Variants in CDH1 observed in about 807,000 individuals in gnomAD.
The protein encoded by CDH1 is cadherin-1.
In CDH1, 35 loss-of-function variants were observed where a neutral mutation model predicts 84.5. The ratio of observed to expected loss-of-function variants is 0.41; its 90% CI spans 0.32 to 0.55. The LOEUF (loss-of-function observed/expected upper bound fraction) is 0.55, where lower values mean the gene tolerates loss of function less well. Among genes scored for constraint, CDH1 ranks in the 20% least tolerant of loss-of-function variants. The pLI is 0.19. For synonymous variants in CDH1, 417 were observed against 439.0 expected, an observed-to-expected ratio of 0.95 and a Z score of 0.63; for missense variants, 994 against 1,126.6, an observed-to-expected ratio of 0.88 and a Z score of 1.68.
intron 2 of CDH1, among the ~76,000 whole-genome samples, chr16:68,781,646 T>A (rs12448999): frequency 0.48 from 72,394 of 151,930 alleles, 18,556 homozygotes; most frequent in Non-Finnish European, 0.58. Flanking sequence ...GCCAATTTTT[T>A]AATTTTCTTT....
At chr16:68,769,844 A>AT (rs138940611) in intron 2 of CDH1, among the ~76,000 whole-genome samples, 1 of 151,534 alleles carries the variant, frequency 6.6e-6, no homozygotes, top group Non-Finnish European at 1.5e-5. Flanking sequence ...CGCCTGGCTA[A>AT]TTTTTTTGTA....
intron 2 of CDH1, among the ~76,000 whole-genome samples, chr16:68,760,562 A>G (rs1472730857): frequency 1.3e-5 from 2 of 152,004 alleles, no homozygotes; most frequent in East Asian, 1.9e-4. Context: ...TTTCTCCCCC[A>G]TTCTTTCTCT....
intron 2 of CDH1, among the ~76,000 whole-genome samples, chr16:68,761,747 T>C (rs1959228115): frequency 1.3e-5 from 2 of 151,588 alleles, no homozygotes; most frequent in East Asian, 1.9e-4. Flanking sequence ...TGTGACTAGG[T>C]AGGGAAGGGT....
intron 2 of CDH1, among the ~76,000 whole-genome samples, chr16:68,757,286 A>T (rs1474245940): frequency 6.6e-6 from 1 of 152,116 alleles, no homozygotes; most frequent in African/African-American, 2.4e-5. Context: ...ACAGGGTTTC[A>T]CCATGTTGGC....
At chr16:68,763,782 T>G (rs534001368) in intron 2 of CDH1, among the ~76,000 whole-genome samples, 1 of 152,234 alleles carries the variant, frequency 6.6e-6, no homozygotes, top group Non-Finnish European at 1.5e-5. Flanking sequence ...CTGTCTTTAA[T>G]GTGCTTCAAA....
rs770974998 is a variant in CDH1 at position 68,833,364 on chromosome 16, C to G, written c.2514C>G (p.Ser838Arg). Reference sequence around the variant, plus strand: ...TGCTCGTGTTTGACTATGAAGGAAGCGGTTCCGAAGCTGCTAGTCTGAGCT... The same window carrying G: ...TGCTCGTGTTTGACTATGAAGGAAGGGGTTCCGAAGCTGCTAGTCTGAGCT... ...DSLLVFDYEG[S>R]GSEAASLSSL... Residue 838 changes from serine to arginine, a missense_variant, in exon 16 of 16, where the codon AGC (serine) becomes AGG (arginine). Physicochemically the swap from Ser to Arg is moderately radical, Grantham distance 110. Around this residue, in one of 3 missense-constraint regions of CDH1, gnomAD observed 769 missense variants for 881.8 expected, o/e 0.87. Transcript: ENST00000261769. The G allele has an allele frequency of 1.2e-6, 2 of 1,614,152 alleles. No individual in the cohort carries two copies. Among genetic ancestry groups the G allele is most frequent in the Admixed American group, 3.3e-5 (2 of 60,010 alleles).
intron 13 of CDH1, among the ~76,000 whole-genome samples, chr16:68,826,263 G>A (rs1010983716): frequency 2.0e-5 from 3 of 152,170 alleles, no homozygotes; most frequent in African/African-American, 7.2e-5. Context: ...GGCAATGCCA[G>A]AGTTCAGATG....
chr16:68,739,753 T>G (rs2152114933), intron 2 of CDH1, among the ~76,000 whole-genome samples: 1 of 151,936 alleles, frequency 6.6e-6, no homozygotes, highest in South Asian at 2.1e-4. Flanking sequence ...TAGCTGGGAT[T>G]ACAGGTGCCA....
rs876661078 is a variant in CDH1 at position 68,815,530 on chromosome 16, G to A, written c.1336G>A (p.Ala446Thr). 1 of 1,614,172 alleles carries A rather than the reference G, an allele frequency of 6.2e-7. No homozygotes were observed. Among genetic ancestry groups the A allele is most frequent in the Non-Finnish European group, 8.5e-7 (1 of 1,180,026 alleles). The stretch of plus-strand genomic sequence containing the variant: ...TGCTCTCTAGGGCTTGGATTTTGAG[G>A]CCAAGCAGCAGTACATTCTACACGT... ...LKTAKGLDFE[A>T]KQQYILHVAV... The change falls in exon 10 of 16, where the codon GCC becomes ACC. Residue 446 changes from alanine to threonine, a missense_variant. Physicochemically the swap from Ala to Thr is moderately conservative, Grantham distance 58. Coordinates refer to ENST00000261769, the MANE Select transcript of CDH1 (RefSeq NM_004360.5).
At chr16:68,816,220 A>G (rs1452824575) in intron 10 of CDH1, among the ~76,000 whole-genome samples, 1 of 152,022 alleles carries the variant, frequency 6.6e-6, no homozygotes, top group Non-Finnish European at 1.5e-5. Context: ...GCTTCACCAC[A>G]TTGGCCAGGC....
At chr16:68,739,601 A>C (rs2152114875) in intron 2 of CDH1, among the ~76,000 whole-genome samples, 1 of 130,894 alleles carries the variant, frequency 7.6e-6, no homozygotes, top group African/African-American at 2.9e-5. Context: ...TCCCCCAAGG[A>C]ATAATGATTT....
In CDH1 at chr16:68,816,642, G is replaced by A. The variant is rs571327533; in HGVS notation, c.1565+883G>A. Among the ~76,000 whole-genome samples, 20 of 152,230 alleles carry A rather than the reference G, an allele frequency of 1.3e-4. No homozygotes were observed. The East Asian group carries it at 3.5e-3, about 27-fold the overall frequency. ...TACACACCTGTAATCCCAGCTACTCGGGAGGCTGAGGCACGAGAATCACTT... is the reference window on the plus strand; with the variant it reads ...TACACACCTGTAATCCCAGCTACTCAGGAGGCTGAGGCACGAGAATCACTT... On this transcript the variant is annotated intron_variant, in intron 10 of 15. Transcript: ENST00000261769.
Position 68,801,851 on chromosome 16 carries a change from G to T in CDH1, c.345G>T (p.Thr115=), listed in dbSNP as rs1801023. The change falls in exon 3 of 16, where the codon ACG becomes ACT. Residue 115 remains threonine, a synonymous_variant. Transcript: ENST00000261769. Reference sequence around the variant, plus strand: ...ACAGAAAGTTTTCCACCAAAGTCACGCTGAATACAGTGGGGCACCACCACC... The same window carrying T: ...ACAGAAAGTTTTCCACCAAAGTCACTCTGAATACAGTGGGGCACCACCACC... The part of the protein sequence containing the change: ...STYRKFSTKV[T]LNTVGHHHRP... 1 of 1,614,020 alleles carries T rather than the reference G, an allele frequency of 6.2e-7. No homozygotes were observed. Among genetic ancestry groups the T allele is most frequent in the African/African-American group, 1.3e-5 (1 of 74,914 alleles).
intron 2 of CDH1, among the ~76,000 whole-genome samples, chr16:68,780,338 G>A (rs1220480480): frequency 6.6e-6 from 1 of 151,990 alleles, no homozygotes; most frequent in Non-Finnish European, 1.5e-5. Flanking sequence ...GTCTCCCTTT[G>A]TCACCCAGGT....
rs771649648 is a variant in CDH1 at position 68,819,363 on chromosome 16, G to A, written c.1649G>A (p.Arg550Lys). 1.2e-6 allele frequency: 2 copies of A among 1,614,086 alleles called. No homozygotes were observed. The highest frequency in any genetic ancestry group is 1.7e-6 in the Non-Finnish European group (2 of 1,180,026). ...ATTTCCACTCGGGCTGAGCTGGACA[G>A]GGAGGATTTTGAGCACGTGAAGAAC... ...GAISTRAELD[R>K]EDFEHVKNST... is the part of the protein sequence containing the mutation. Residue 550 changes from arginine to lysine, a missense_variant, in exon 11 of 16, where the codon AGG becomes AAG. Physicochemically the swap from Arg to Lys is conservative, Grantham distance 26. This residue lies in a region of CDH1 where 769 missense variants were observed against 881.8 expected (regional missense o/e 0.87). Transcript: ENST00000261769.
At chr16:68,802,726 C>G (rs1375723706) in intron 3 of CDH1, among the ~76,000 whole-genome samples, 1 of 152,180 alleles carries the variant, frequency 6.6e-6, no homozygotes, top group Non-Finnish European at 1.5e-5. Context: ...CTGCCTCAGC[C>G]TCCCAAAGTG....
At chr16:68,829,850 G>T in intron 15 of CDH1, 53 bp downstream of exon 15, 1 of 1,572,732 alleles carries the variant, frequency 6.4e-7, no homozygotes, top group Non-Finnish European at 8.7e-7. Flanking sequence ...AGCTCAGGAG[G>T]AGTTGTGTCA....
At chr16:68,745,603 G>GTATTTGTATATATATA (rs1555510490) in intron 2 of CDH1, among the ~76,000 whole-genome samples, 1 of 127,908 alleles carries the variant, frequency 7.8e-6, no homozygotes, top group Non-Finnish European at 1.5e-5. Flanking sequence ...GTATATATAT[G>GTATTTGTATATATATA]TATGTGTATA....
chr16:68,793,017 A>G (rs944176126), intron 2 of CDH1, among the ~76,000 whole-genome samples: 2 of 152,206 alleles, frequency 1.3e-5, no homozygotes, highest in African/African-American at 2.4e-5. Flanking sequence ...GCTTCATGCA[A>G]ATAAACTTCC....
Sources: allele counts gnomAD v4.1 joint callset (sites outside exome capture counted in the v4.1 genomes callset), GRCh38; gene constraint gnomAD v4.1.1; regional missense constraint gnomAD v4.1.1; transcripts MANE v1.5; gene names NCBI Gene and HGNC (gene_info 2026-07-23, HGNC 2026-07-21).